SRGAP1: variants seen among roughly 807,000 people sequenced by gnomAD.
SRGAP1 encodes the protein SLIT-ROBO Rho GTPase activating protein 1.
Under a neutral mutation model 121.9 loss-of-function variants are expected in SRGAP1, and 43 were observed. The ratio of observed to expected loss-of-function variants is 0.35; its 90% CI spans 0.28 to 0.46. The LOEUF (loss-of-function observed/expected upper bound fraction) is 0.46. SRGAP1 is among the 20% of genes least tolerant of loss of function. The pLI is 1.00. For synonymous variants in SRGAP1, 447 were observed against 485.4 expected (o/e 0.92, Z 1.04); for missense variants, 1,102 against 1,350.9 (o/e 0.82, Z 2.89).
intron 4 of SRGAP1, among the ~76,000 whole-genome samples, chr12:64,029,679 T>G (rs1472969551): frequency 6.6e-6 from 1 of 152,118 alleles, no homozygotes; most frequent in East Asian, 1.9e-4. Flanking sequence ...ATTGCAAGAT[T>G]GTTAGCAAAT....
intron 3 of SRGAP1, among the ~76,000 whole-genome samples, chr12:64,003,596 A>G (rs544651966): frequency 7.9e-5 from 12 of 152,118 alleles, no homozygotes; most frequent in Non-Finnish European, 1.6e-4. Context: ...GAGCTAACAG[A>G]GGGAAGAATC....
At chr12:64,048,315 T>C (rs571964265) in intron 6 of SRGAP1, among the ~76,000 whole-genome samples, 1 of 152,296 alleles carries the variant, frequency 6.6e-6, no homozygotes, top group East Asian at 1.9e-4. Flanking sequence ...ACCCATGTTG[T>C]TGCAAATGAC....
intron 3 of SRGAP1, among the ~76,000 whole-genome samples, chr12:64,013,577 A>G (rs2034314763): frequency 6.6e-6 from 1 of 152,234 alleles, no homozygotes; most frequent in African/African-American, 2.4e-5. Context: ...GGGTCTACCT[A>G]CTGAAAGGAA....
Position 64,147,197 on chromosome 12 carries a change from C to T in SRGAP1, c.*4525C>T, listed in dbSNP as rs1305346057. The stretch of plus-strand genomic sequence containing the variant: ...CCCGCGTAATTAAATCAGTATTGTC[C>T]TTTCCTGTCGGTTTGATCAATTGCG... On this transcript the variant is annotated 3_prime_UTR_variant, in exon 22 of 22. Coordinates refer to ENST00000355086, the MANE Select transcript of SRGAP1 (RefSeq NM_020762.4). 5.3e-5 allele frequency: 16 copies of T among 301,664 alleles called. No individual in the cohort carries two copies. Among genetic ancestry groups the T allele is most frequent in the Non-Finnish European group, 1.8e-5 (3 of 164,438 alleles). 18.7% of individuals were successfully genotyped at this position (301,664 alleles called of 1,614,324 possible).
chr12:64,058,403 T>C (rs1019236498), intron 6 of SRGAP1, among the ~76,000 whole-genome samples: 1 of 152,228 alleles, frequency 6.6e-6, no homozygotes, highest in African/African-American at 2.4e-5. Flanking sequence ...GGATTTCATC[T>C]TCATTTTGAT....
At chr12:63,957,604 C>A (rs907367887) in intron 1 of SRGAP1, among the ~76,000 whole-genome samples, 3 of 152,104 alleles carry the variant, frequency 2.0e-5, no homozygotes, top group Non-Finnish European at 4.4e-5. Flanking sequence ...CTATAAAATG[C>A]TGCTCGTCCC....
At chr12:63,957,155 A>G (rs2032498614) in intron 1 of SRGAP1, among the ~76,000 whole-genome samples, 3 of 152,216 alleles carry the variant, frequency 2.0e-5, no homozygotes, top group African/African-American at 7.2e-5. Context: ...TTTTGGTTAT[A>G]TGAATAACGC....
At chr12:63,947,943 C>A (rs1321447935) in intron 1 of SRGAP1, among the ~76,000 whole-genome samples, 1 of 152,060 alleles carries the variant, frequency 6.6e-6, no homozygotes, top group African/African-American at 2.4e-5. Flanking sequence ...CCCATCATCA[C>A]AATGAGGAAG....
At chr12:63,987,308 T>C (rs1444876136) in intron 2 of SRGAP1, among the ~76,000 whole-genome samples, 2 of 152,208 alleles carry the variant, frequency 1.3e-5, no homozygotes, top group Non-Finnish European at 2.9e-5. Context: ...TGCCACTGCA[T>C]AGTGGAAAGA....
chr12:64,056,113 C>G (rs777435348), intron 6 of SRGAP1, among the ~76,000 whole-genome samples: 1 of 152,088 alleles, frequency 6.6e-6, no homozygotes, highest in African/African-American at 2.4e-5. Flanking sequence ...TGCCACTTTC[C>G]GCTAAAAACC....
intron 1 of SRGAP1, among the ~76,000 whole-genome samples, chr12:63,904,576 T>G (rs2030107536): frequency 1.3e-5 from 2 of 152,182 alleles, no homozygotes; most frequent in Non-Finnish European, 2.9e-5. Flanking sequence ...CTTACACAGT[T>G]TTAAAGATTT....
At position 64,153,956 on chromosome 12, in the gene SRGAP1, A is replaced by G. The variant is rs925752303; in HGVS notation, c.*11284A>G. On this transcript the variant is annotated 3_prime_UTR_variant, in exon 22 of 22. Transcript: ENST00000355086. ...ATACACATAAAATAGAATATTATGC[A>G]GCCTTAAAAAAGAAGGAATTCCTGT... The G allele has an allele frequency of 1.3e-5, 2 of 152,264 alleles. No individual in the cohort carries two copies. The highest frequency in any genetic ancestry group is 6.5e-5 in the Admixed American group (1 of 15,288). 9.4% of individuals were successfully genotyped at this position (152,264 alleles called of 1,614,324 possible). A position where few individuals can be genotyped will look rare whatever the true frequency, so the allele number is the denominator to read the frequency against.
intron 1 of SRGAP1, among the ~76,000 whole-genome samples, chr12:63,944,109 A>G (rs1191502340): frequency 6.6e-6 from 1 of 152,174 alleles, no homozygotes; most frequent in Non-Finnish European, 1.5e-5. Flanking sequence ...TTGGGGGCAC[A>G]TTGCCTCAGA....
intron 1 of SRGAP1, among the ~76,000 whole-genome samples, chr12:63,950,825 C>T (rs760417160): frequency 2.0e-5 from 3 of 152,128 alleles, no homozygotes; most frequent in Non-Finnish European, 4.4e-5. Context: ...ACCTTTTCTC[C>T]TTACACAGTG....
At chr12:63,913,609 A>G (rs1484332741) in intron 1 of SRGAP1, among the ~76,000 whole-genome samples, 1 of 150,736 alleles carries the variant, frequency 6.6e-6, no homozygotes, top group Non-Finnish European at 1.5e-5. Flanking sequence ...TTCTTAGATG[A>G]ACTTCATCTC....
chr12:64,123,102 A>C (rs2036628932), intron 18 of SRGAP1, among the ~76,000 whole-genome samples: 1 of 152,102 alleles, frequency 6.6e-6, no homozygotes, highest in Non-Finnish European at 1.5e-5. Flanking sequence ...ATACTGTATC[A>C]TGTGTTGGTA....
chr12:64,045,065 G>T (rs376696577), intron 6 of SRGAP1, among the ~76,000 whole-genome samples: 1 of 151,808 alleles, frequency 6.6e-6, no homozygotes, highest in African/African-American at 2.4e-5. Context: ...TGTTTATATA[G>T]AACCATGTAG....
Position 64,065,112 on chromosome 12 carries a change from C to T in SRGAP1, c.1024-6C>T. 1.2e-6 allele frequency: 2 copies of T among 1,609,520 alleles called. No individual in the cohort carries two copies. The highest frequency in any genetic ancestry group is 1.7e-6 in the Non-Finnish European group (2 of 1,178,670). On this transcript the variant is annotated splice_polypyrimidine_tract_variant and splice_region_variant and intron_variant, in intron 7 of 21. Transcript: ENST00000355086. Reference sequence around the variant, plus strand: ...CTGTTGTAACTGGTTTCTCATTCTCCATCAGGTGTGCCAGGTCAGTGCCCA... The same window carrying T: ...CTGTTGTAACTGGTTTCTCATTCTCTATCAGGTGTGCCAGGTCAGTGCCCA...
intron 3 of SRGAP1, among the ~76,000 whole-genome samples, chr12:63,995,069 G>C (rs1046091301): frequency 2.3e-4 from 35 of 152,186 alleles, no homozygotes; most frequent in African/African-American, 8.4e-4. Context: ...GAAGTATGTA[G>C]TTTGGAGGTA....
Sources: allele counts gnomAD v4.1 joint callset (sites outside exome capture counted in the v4.1 genomes callset), GRCh38; gene constraint gnomAD v4.1.1; transcripts MANE v1.5; gene names NCBI Gene and HGNC (gene_info 2026-07-23, HGNC 2026-07-21).